Variants in RBFOX1 observed in about 807,000 individuals in gnomAD.
The protein encoded by RBFOX1 is RNA binding protein fox-1 homolog 1.
In RBFOX1, 8 loss-of-function variants were observed where a neutral mutation model predicts 57.7. The ratio of observed to expected loss-of-function variants is 0.14; its 90% CI spans 0.08 to 0.25. The LOEUF (loss-of-function observed/expected upper bound fraction) is 0.25. Ranked by LOEUF, RBFOX1 falls within the 10% of genes least tolerant of loss-of-function variation. The pLI is 1.00. For missense variants in RBFOX1, 611 were observed against 548.5 expected (o/e 1.11, Z -1.14); for synonymous variants, 326 against 222.4 (o/e 1.47, Z -4.15).
chr16:5,740,166 G>C (rs2052724269), intron 3 of RBFOX1, among the ~76,000 whole-genome samples: 1 of 152,204 alleles, frequency 6.6e-6, no homozygotes, highest in Non-Finnish European at 1.5e-5. Context: ...ACGGGGAGGA[G>C]GCTGACTGTC....
chr16:7,324,001 A>G (rs1225580247), intron 4 of RBFOX1, among the ~76,000 whole-genome samples: 2 of 152,188 alleles, frequency 1.3e-5, no homozygotes, highest in Non-Finnish European at 2.9e-5. Flanking sequence ...TGGATCAAAC[A>G]AGATCCAGCA....
chr16:5,288,151 G>C (rs767730784), intron 1 of RBFOX1, among the ~76,000 whole-genome samples: 2 of 152,260 alleles, frequency 1.3e-5, no homozygotes, highest in South Asian at 4.1e-4. Flanking sequence ...TTTTATTTCC[G>C]ATCAATTTTG....
chr16:6,188,853 G>A (rs1172855981), intron 1 of RBFOX1, among the ~76,000 whole-genome samples: 2 of 151,988 alleles, frequency 1.3e-5, no homozygotes, highest in Admixed American at 6.6e-5. Context: ...TATCAGTTTT[G>A]CATTGCCAAA....
chr16:6,812,415 C>G (rs1366065868), intron 3 of RBFOX1, among the ~76,000 whole-genome samples: 2 of 151,984 alleles, frequency 1.3e-5, no homozygotes, highest in Non-Finnish European at 2.9e-5. Context: ...GTCTTGTCAC[C>G]CAGGCTGGAG....
chr16:6,586,601 A>T (rs2097623963), intron 2 of RBFOX1, among the ~76,000 whole-genome samples: 2 of 152,198 alleles, frequency 1.3e-5, no homozygotes, highest in South Asian at 4.1e-4. Flanking sequence ...GTTGCCAGGA[A>T]TACTTCTTCC....
At chr16:5,694,775 C>A (rs1025779348) in intron 3 of RBFOX1, among the ~76,000 whole-genome samples, 1 of 151,444 alleles carries the variant, frequency 6.6e-6, no homozygotes, top group Non-Finnish European at 1.5e-5. Context: ...GCTTGATTTT[C>A]CTTTTTTGGG....
chr16:6,838,351 C>A (rs2093256251), intron 3 of RBFOX1, among the ~76,000 whole-genome samples: 1 of 152,126 alleles, frequency 6.6e-6, no homozygotes, highest in Non-Finnish European at 1.5e-5. Context: ...CTGCAAAGAC[C>A]ATTAACTCAT....
intron 4 of RBFOX1, among the ~76,000 whole-genome samples, chr16:7,456,775 T>C (rs1290594382): frequency 6.6e-6 from 1 of 152,160 alleles, no homozygotes; most frequent in Non-Finnish European, 1.5e-5. Flanking sequence ...GTGGTAGCAA[T>C]TGCAGGAGGC....
In RBFOX1 at chr16:5,311,971, T is replaced by A. The variant is rs1300634249; in HGVS notation, c.219+71866T>A. Among the ~76,000 whole-genome samples the A allele has an allele frequency of 3.3e-5, 5 of 152,200 alleles. No homozygotes were observed. The South Asian group carries it at 6.2e-4, about 19-fold the overall frequency. ...CATCCTCCCCAGTAAATCATGAGCC[T>A]TGCAAGAGCAAAGGCCATGTTCTAT... On this transcript the variant is annotated intron_variant, in intron 1 of 2. Transcript: ENST00000585867.
At chr16:5,874,068 G>C (rs538680850) in intron 4 of RBFOX1, among the ~76,000 whole-genome samples, 8 of 152,358 alleles carry the variant, frequency 5.3e-5, no homozygotes, top group Non-Finnish European at 1.2e-4. Context: ...TTACAAGAGA[G>C]AGGTAGGGGT....
intron 10 of RBFOX1, among the ~76,000 whole-genome samples, chr16:7,625,696 T>A (rs898915716): frequency 6.6e-6 from 1 of 152,156 alleles, no homozygotes; most frequent in Non-Finnish European, 1.5e-5. Context: ...GTAGGAAAAG[T>A]TCTAGTTATT....
chr16:7,282,939 A>G (rs915936135), intron 4 of RBFOX1, among the ~76,000 whole-genome samples: 5 of 152,310 alleles, frequency 3.3e-5, no homozygotes, highest in East Asian at 3.9e-4. Flanking sequence ...TGAGTAGTCC[A>G]TCATGTGTGT....
intron 1 of RBFOX1, among the ~76,000 whole-genome samples, chr16:6,164,888 G>C (rs1349432203): frequency 2.6e-5 from 4 of 152,178 alleles, no homozygotes; most frequent in Non-Finnish European, 5.9e-5. Flanking sequence ...AGAAATCACA[G>C]AATCCTACGA....
chr16:7,606,635 A>C (rs2095296880), intron 9 of RBFOX1, among the ~76,000 whole-genome samples: 1 of 152,226 alleles, frequency 6.6e-6, no homozygotes, highest in African/African-American at 2.4e-5. Flanking sequence ...CTCCATCCAG[A>C]ACATTTGGAA....
At chr16:6,974,603 C>T (rs2086382289) in intron 3 of RBFOX1, among the ~76,000 whole-genome samples, 1 of 152,032 alleles carries the variant, frequency 6.6e-6, no homozygotes, top group South Asian at 2.1e-4. Context: ...CCTCGGCCTC[C>T]CAAAGTGCTG....
intron 3 of RBFOX1, among the ~76,000 whole-genome samples, chr16:5,669,806 A>T (rs893636787): frequency 6.6e-6 from 1 of 152,230 alleles, no homozygotes; most frequent in Non-Finnish European, 1.5e-5. Flanking sequence ...TAGAAGTGGA[A>T]GAATTTAAAC....
chr16:6,321,439 T>G (rs562766112), intron 2 of RBFOX1, among the ~76,000 whole-genome samples: 2 of 152,316 alleles, frequency 1.3e-5, no homozygotes, highest in East Asian at 1.9e-4. Context: ...AGCCCCAAAG[T>G]GTCCTCTATT....
intron 4 of RBFOX1, among the ~76,000 whole-genome samples, chr16:7,504,186 C>T (rs1436616939): frequency 6.6e-6 from 1 of 152,026 alleles, no homozygotes; most frequent in Non-Finnish European, 1.5e-5. Flanking sequence ...GTCTCAGAGC[C>T]TATTATTTAT....
At chr16:7,351,279 G>A (rs2097125671) in intron 4 of RBFOX1, among the ~76,000 whole-genome samples, 1 of 152,200 alleles carries the variant, frequency 6.6e-6, no homozygotes, top group Non-Finnish European at 1.5e-5. Context: ...TAAAATAGAG[G>A]GAAACTTTTC....
Sources: allele counts gnomAD v4.1 joint callset (sites outside exome capture counted in the v4.1 genomes callset), GRCh38; gene constraint gnomAD v4.1.1; transcripts MANE v1.5; gene names NCBI Gene and HGNC (gene_info 2026-07-23, HGNC 2026-07-21).